Variants in RARB observed in about 807,000 individuals in gnomAD.
RARB encodes HBV-activated protein.
RARB carries 17 observed loss-of-function variants against 51.9 expected under a neutral mutation model. That is an observed-to-expected ratio of 0.33 (90% CI 0.22 to 0.49). The LOEUF (loss-of-function observed/expected upper bound fraction) is 0.49, where lower values mean the gene tolerates loss of function less well. Among genes scored for constraint, RARB ranks in the 20% least tolerant of loss-of-function variants. The pLI, the probability that RARB is intolerant of heterozygous loss-of-function variation, is 0.99. For missense variants in RARB, 369 were observed against 550.8 expected (o/e 0.67, Z 3.30); for synonymous variants, 215 against 195.4 (o/e 1.10, Z -0.84).
intron 1 of RARB, among the ~76,000 whole-genome samples, chr3:25,437,333 A>G (rs576617041): frequency 8.7e-4 from 133 of 152,230 alleles, no homozygotes; most frequent in African/African-American, 3.0e-3. Flanking sequence ...AGTTGTCACA[A>G]TACACTTAGC....
chr3:25,045,384 C>T (rs138321441), intron 2 of RARB, among the ~76,000 whole-genome samples: 16 of 152,188 alleles, frequency 1.1e-4, no homozygotes, highest in African/African-American at 3.6e-4. Flanking sequence ...GAGGCCCTTC[C>T]GAGAGAGAAA....
chr3:24,864,480 T>C (rs1702813130), intron 2 of RARB, among the ~76,000 whole-genome samples: 1 of 152,206 alleles, frequency 6.6e-6, no homozygotes. Context: ...CACCTTATTC[T>C]GTCTTCTGAA....
intron 2 of RARB, among the ~76,000 whole-genome samples, chr3:24,979,827 T>C (rs992738617): frequency 6.6e-6 from 1 of 152,202 alleles, no homozygotes; most frequent in African/African-American, 2.4e-5. Context: ...CGATGCTAGT[T>C]GGTTATTTCA....
At chr3:25,594,477 C>T in intron 6 of RARB, 43 bp from the exon 7 acceptor site, 1 of 1,545,714 alleles carries the variant, frequency 6.5e-7, no homozygotes, top group Non-Finnish European at 8.7e-7. Context: ...GGGAAAAGGG[C>T]ATAAATCCTG....
intron 5 of RARB, among the ~76,000 whole-genome samples, chr3:25,207,999 A>C (rs572176434): frequency 6.6e-6 from 1 of 150,962 alleles, no homozygotes; most frequent in South Asian, 2.2e-4. Context: ...TCACATGGCA[A>C]AAGTGGGAGC....
At chr3:25,283,953 T>A (rs980917805) in intron 5 of RARB, among the ~76,000 whole-genome samples, 18 of 152,182 alleles carry the variant, frequency 1.2e-4, no homozygotes, top group African/African-American at 4.3e-4. Flanking sequence ...AGTGACTTTC[T>A]CCTAACAAAT....
intron 2 of RARB, among the ~76,000 whole-genome samples, chr3:24,968,728 A>G (rs922706002): frequency 1.3e-5 from 2 of 152,122 alleles, no homozygotes; most frequent in Admixed American, 6.6e-5. Context: ...GCAAGTCCCA[A>G]TGTGCAAATA....
intron 5 of RARB, among the ~76,000 whole-genome samples, chr3:25,291,405 T>C (rs973638740): frequency 4.6e-5 from 7 of 152,006 alleles, no homozygotes; most frequent in Non-Finnish European, 8.8e-5. Flanking sequence ...TAAAAATGCT[T>C]GCCCTAAGTC....
chr3:25,542,265 C>T (rs546095180), intron 3 of RARB, among the ~76,000 whole-genome samples: 1 of 152,318 alleles, frequency 6.6e-6, no homozygotes, highest in Admixed American at 6.5e-5. Flanking sequence ...TTCCATTCTA[C>T]TTGCAGGCCA....
chr3:25,431,573 T>G (rs1454764666), intron 1 of RARB, among the ~76,000 whole-genome samples: 1 of 152,102 alleles, frequency 6.6e-6, no homozygotes, highest in African/African-American at 2.4e-5. Context: ...TATCTTGGTT[T>G]TAGGCGGCTC....
chr3:25,173,933 T>G (rs992909680), intron 4 of RARB, among the ~76,000 whole-genome samples: 1 of 152,152 alleles, frequency 6.6e-6, no homozygotes, highest in Non-Finnish European at 1.5e-5. Flanking sequence ...ATTTTTAAAT[T>G]GAGTAAAAGT....
At chr3:25,250,944 T>A (rs574396972) in intron 5 of RARB, among the ~76,000 whole-genome samples, 1 of 152,314 alleles carries the variant, frequency 6.6e-6, no homozygotes, top group Non-Finnish European at 1.5e-5. Flanking sequence ...GTTGGGAACC[T>A]CTACAGGCTT....
chr3:25,209,029 G>A (rs1338744537), intron 5 of RARB, among the ~76,000 whole-genome samples: 1 of 152,320 alleles, frequency 6.6e-6, no homozygotes, highest in Admixed American at 6.5e-5. Flanking sequence ...GACGACGAGG[G>A]ATTTAGGTTA....
rs575407737 is a variant in RARB, at chr3:25,010,780, C to T, written c.-379-49345C>T. Among the ~76,000 whole-genome samples the T allele has an allele frequency of 9.2e-5, 14 of 152,250 alleles. No homozygotes were observed. In the South Asian group the frequency reaches 2.9e-3, roughly 32 times the overall value. ...TCCTATGACACCCTTCATGAACCCT[C>T]CCCGATCCTTCTTTGGTCAGAATTA... On this transcript the variant is annotated intron_variant, in intron 2 of 11. Coordinates refer to the RARB transcript ENST00000383772.
At chr3:24,888,323 A>G (rs1029946235) in intron 2 of RARB, among the ~76,000 whole-genome samples, 8 of 152,160 alleles carry the variant, frequency 5.3e-5, no homozygotes, top group African/African-American at 1.7e-4. Flanking sequence ...TCATAACCCT[A>G]TGAGAATTGA....
chr3:24,972,132 C>T (rs1486832072), intron 2 of RARB, among the ~76,000 whole-genome samples: 1 of 151,932 alleles, frequency 6.6e-6, no homozygotes, highest in Non-Finnish European at 1.5e-5. Context: ...ATCAACCTCT[C>T]TTCAGCCTAC....
intron 4 of RARB, among the ~76,000 whole-genome samples, chr3:25,133,586 A>G (rs965525070): frequency 6.6e-6 from 1 of 152,034 alleles, no homozygotes; most frequent in African/African-American, 2.4e-5. Flanking sequence ...AGTTATCTCA[A>G]AAATGCATTC....
At chr3:25,386,395 G>A (rs1706794854) in intron 5 of RARB, among the ~76,000 whole-genome samples, 1 of 152,136 alleles carries the variant, frequency 6.6e-6, no homozygotes, top group Non-Finnish European at 1.5e-5. Flanking sequence ...TCAAGAAGTG[G>A]GATTGTTCCT....
intron 2 of RARB, among the ~76,000 whole-genome samples, chr3:24,902,712 C>T (rs1272316286): frequency 1.3e-5 from 2 of 152,020 alleles, no homozygotes; most frequent in South Asian, 2.1e-4. Context: ...TATAAAAATG[C>T]TCACTGACAT....
Sources: gnomAD v4.1 joint callset for allele counts (sites outside exome capture counted in the v4.1 genomes callset) on GRCh38, gnomAD v4.1.1 for gene constraint, MANE v1.5 for transcripts, NCBI Gene and HGNC (gene_info 2026-07-23, HGNC 2026-07-21) for gene names.